Variants in USP7 observed in about 807,000 individuals in gnomAD.
The protein encoded by USP7 is ubiquitin C-terminal hydrolase 7.
USP7 carries 9 observed loss-of-function variants against 162.9 expected under a neutral mutation model. That is an observed-to-expected ratio of 0.06 (90% CI 0.03 to 0.10). The LOEUF (loss-of-function observed/expected upper bound fraction) is 0.10, where lower values mean the gene tolerates loss of function less well. Ranked by LOEUF, USP7 falls within the 10% of genes least tolerant of loss-of-function variation. The probability of loss-of-function intolerance (pLI) is 1.00; values close to 1 mark genes in which losing one functional copy is unlikely to be tolerated. For missense variants in USP7, 715 were observed against 1,373.7 expected (o/e 0.52, Z 7.58); for synonymous variants, 562 against 475.9 (o/e 1.18, Z -2.35).
intron 2 of USP7, 143 bp downstream of exon 2, chr16:8,930,150 G>A (rs1898235477): frequency 1.8e-6 from 1 of 567,564 alleles, no homozygotes; most frequent in Non-Finnish European, 3.0e-6. Context: ...ACCCAAACAG[G>A]ATTTTCCTCA....
Position 8,901,014 on chromosome 16 carries a change from T to C in USP7, c.2184A>G (p.Gln728=). Residue 728 remains glutamine, a synonymous_variant, in exon 20 of 31, where the codon CAA becomes CAG. Transcript: ENST00000344836. ...CCTCATAGAGGATAAGGCTAGTATC[T>C]TGAATAAATCCTGCTCTGTCACACA... ...PVMCDRAGFI[Q]DTSLILYEEV... 6.2e-7 allele frequency: 1 copy of C among 1,614,134 alleles called. No homozygotes were observed. The highest frequency in any genetic ancestry group is 1.1e-5 in the South Asian group (1 of 91,086).
intron 1 of USP7, among the ~76,000 whole-genome samples, chr16:8,941,600 T>C (rs1201880061): frequency 6.6e-6 from 1 of 152,214 alleles, no homozygotes; most frequent in Non-Finnish European, 1.5e-5. Flanking sequence ...AATAAGTTAG[T>C]CTGCCAATTC....
At chr16:8,944,633 C>CT (rs1180853315) in intron 1 of USP7, among the ~76,000 whole-genome samples, 2 of 152,164 alleles carry the variant, frequency 1.3e-5, no homozygotes, top group Admixed American at 6.5e-5. Flanking sequence ...AGAAAGAAAA[C>CT]TATTTTTTTC....
chr16:8,910,960 C>T, intron 10 of USP7, 133 bp from the exon 11 acceptor site: 2 of 731,878 alleles, frequency 2.7e-6, no homozygotes, highest in Non-Finnish European at 4.6e-6. Context: ...TAACTCTCCC[C>T]CTGTAGCCAA....
intron 21 of USP7, chr16:8,900,254 C>T (rs575176517): frequency 5.6e-6 from 2 of 355,622 alleles, no homozygotes; most frequent in South Asian, 1.0e-4. Flanking sequence ...TCATAAATCT[C>T]AGGGGAAGGA....
At position 8,893,930 on chromosome 16, in the gene USP7, A is replaced by G; in HGVS notation, c.*68T>C. 1 of 1,419,488 alleles carries G rather than the reference A, an allele frequency of 7.0e-7. No individual in the cohort carries two copies. Among genetic ancestry groups the G allele is most frequent in the South Asian group, 1.1e-5 (1 of 87,124 alleles). The allele number at this position is 1,419,488 out of a possible 1,614,324, so 87.9% of individuals were successfully genotyped here. On this transcript the variant is annotated 3_prime_UTR_variant, in exon 31 of 31. Coordinates refer to ENST00000344836, the MANE Select transcript of USP7 (RefSeq NM_003470.3). ...AAGACTTCGGCTAGAGGGCACGTGC[A>G]CCAAAGTTCTAGGCTGTTAAGGGGC...
At chr16:8,924,943 T>C (rs1461685818) in intron 2 of USP7, among the ~76,000 whole-genome samples, 1 of 152,220 alleles carries the variant, frequency 6.6e-6, no homozygotes, top group African/African-American at 2.4e-5. Context: ...ATTATTTATT[T>C]GAGCCTCTTC....
At chr16:8,905,103 G>A (rs1219848276) in intron 14 of USP7, 84 bp downstream of exon 14, 41 of 1,511,840 alleles carry the variant, frequency 2.7e-5, no homozygotes, top group Non-Finnish European at 3.5e-5. Flanking sequence ...AATGTGTTTG[G>A]ACAGAAAAGG....
At chr16:8,940,325 G>A (rs2141248398) in intron 1 of USP7, among the ~76,000 whole-genome samples, 1 of 152,326 alleles carries the variant, frequency 6.6e-6, no homozygotes, top group East Asian at 1.9e-4. Context: ...TGTTATCCAA[G>A]AACCAGAACA....
intron 26 of USP7, among the ~76,000 whole-genome samples, chr16:8,896,289 A>G (rs1420734645): frequency 1.3e-5 from 2 of 152,182 alleles, no homozygotes; most frequent in East Asian, 3.8e-4. Context: ...AGAGATGTAC[A>G]GACTGGGCCT....
chr16:8,894,757 A>C, intron 29 of USP7, 27 bp downstream of exon 29: 1 of 1,614,216 alleles, frequency 6.2e-7, no homozygotes. Flanking sequence ...TGGCCCGCCA[A>C]GCCCCCAGGA....
chr16:8,901,651 A>G (rs925056848), intron 18 of USP7, among the ~76,000 whole-genome samples: 1 of 152,194 alleles, frequency 6.6e-6, no homozygotes, highest in Admixed American at 6.5e-5. Context: ...GCAAATTCCG[A>G]TCCACCTGTT....
chr16:8,941,134 A>G (rs1899029064), intron 1 of USP7, among the ~76,000 whole-genome samples: 1 of 152,046 alleles, frequency 6.6e-6, no homozygotes, highest in African/African-American at 2.4e-5. Context: ...CCCATGCCCC[A>G]TGCCCATGAG....
At chr16:8,917,510 C>G (rs1162057166) in intron 6 of USP7, among the ~76,000 whole-genome samples, 2 of 152,126 alleles carry the variant, frequency 1.3e-5, no homozygotes, top group Admixed American at 1.3e-4. Context: ...TCCCGAGTAG[C>G]TGGAATTACA....
Position 8,915,541 on chromosome 16 carries a change from T to C in USP7, c.907-16A>G. The C allele has an allele frequency of 6.2e-7, 1 of 1,611,098 alleles. No individual in the cohort carries two copies. Among genetic ancestry groups the C allele is most frequent in the South Asian group, 1.1e-5 (1 of 90,336 alleles). ...TATCGAGCAACTGAAAAAGAATGTT[T>C]TGGCTTTAAAAAAACTTTTTTGTAC... On this transcript the variant is annotated splice_polypyrimidine_tract_variant and intron_variant, in intron 8 of 30. Transcript: ENST00000344836.
intron 2 of USP7, chr16:8,929,443 T>C: frequency 2.2e-6 from 1 of 455,586 alleles, no homozygotes; most frequent in Non-Finnish European, 4.4e-6. Flanking sequence ...ACGGCTGCAG[T>C]TTCTCATGGA....
At chr16:8,928,443 T>C (rs567627555) in intron 2 of USP7, among the ~76,000 whole-genome samples, 1 of 152,344 alleles carries the variant, frequency 6.6e-6, no homozygotes, top group Non-Finnish European at 1.5e-5. Flanking sequence ...CCCTGAGACA[T>C]ACGACAGTAA....
intron 1 of USP7, among the ~76,000 whole-genome samples, chr16:8,956,592 C>T (rs1216592264): frequency 6.6e-6 from 1 of 152,074 alleles, no homozygotes; most frequent in Admixed American, 6.6e-5. Context: ...TGGTGAAACG[C>T]CATCTCTACT....
At chr16:8,954,609 A>G (rs1899705717) in intron 1 of USP7, among the ~76,000 whole-genome samples, 1 of 152,220 alleles carries the variant, frequency 6.6e-6, no homozygotes, top group African/African-American at 2.4e-5. Flanking sequence ...TTCTACAGAG[A>G]TGAAGACTTG....
Sources: gnomAD v4.1 joint callset for allele counts (sites outside exome capture counted in the v4.1 genomes callset) on GRCh38, gnomAD v4.1.1 for gene constraint, MANE v1.5 for transcripts, NCBI Gene and HGNC (gene_info 2026-07-23, HGNC 2026-07-21) for gene names.